PTPRE: variants seen among roughly 807,000 people sequenced by gnomAD.
PTPRE encodes receptor-type tyrosine-protein phosphatase epsilon.
PTPRE carries 51 observed loss-of-function variants against 102.0 expected under a neutral mutation model. The ratio of observed to expected loss-of-function variants is 0.50; its 90% CI spans 0.40 to 0.63. The LOEUF (loss-of-function observed/expected upper bound fraction) is 0.63, where lower values mean the gene tolerates loss of function less well. PTPRE is among the 30% of genes least tolerant of loss of function. The pLI is 0.00. For missense variants in PTPRE, 752 were observed against 915.1 expected, an observed-to-expected ratio of 0.82 and a Z score of 2.30; for synonymous variants, 345 against 348.2, an observed-to-expected ratio of 0.99 and a Z score of 0.10.
chr10:127,925,405 T>C (rs1402862253), intron 1 of PTPRE, among the ~76,000 whole-genome samples: 4 of 152,214 alleles, frequency 2.6e-5, no homozygotes, highest in Non-Finnish European at 5.9e-5. Flanking sequence ...TCCTCATTCT[T>C]TTCTGACCCC....
At chr10:127,908,010 A>AGG (rs1564787590) in intron 1 of PTPRE, among the ~76,000 whole-genome samples, 1 of 152,214 alleles carries the variant, frequency 6.6e-6, no homozygotes, top group Non-Finnish European at 1.5e-5. Context: ...CATCTGGGGA[A>AGG]GGCCGGGCAA....
intron 2 of PTPRE, among the ~76,000 whole-genome samples, chr10:127,988,007 A>G (rs1470584098): frequency 6.6e-6 from 1 of 152,246 alleles, no homozygotes; most frequent in Non-Finnish European, 1.5e-5. Context: ...TGTCGGCTGC[A>G]GATGAGTGCC....
intron 1 of PTPRE, among the ~76,000 whole-genome samples, chr10:127,963,983 A>G (rs1240352427): frequency 6.6e-6 from 1 of 152,130 alleles, no homozygotes; most frequent in Non-Finnish European, 1.5e-5. Context: ...ATACTTTCTT[A>G]AAGTGAGCCA....
At chr10:128,023,200 G>A (rs1177596655) in intron 2 of PTPRE, among the ~76,000 whole-genome samples, 1 of 151,898 alleles carries the variant, frequency 6.6e-6, no homozygotes, top group Non-Finnish European at 1.5e-5. Flanking sequence ...CTCTTACTGT[G>A]CCTGATTTAT....
Position 127,940,902 on chromosome 10 carries a change from G to T in PTPRE, c.-31+33593G>T, listed in dbSNP as rs114941398. ...AGACTATGACTTTCCTGCAGGCAGG[G>T]TTGTACCTTCTCATCTGCACCCTCA... On this transcript the variant is annotated intron_variant, in intron 1 of 20. Transcript: ENST00000254667. 8.6e-4 allele frequency among the ~76,000 whole-genome samples: 131 copies of T among 152,314 alleles called. 1 individual carries two copies. The highest frequency in any genetic ancestry group is 3.0e-3 in the African/African-American group (123 of 41,566).
rs115785422 is a variant in PTPRE at position 128,035,632 on chromosome 10, C to G, written c.-7-5243C>G. Among the ~76,000 whole-genome samples the G allele has an allele frequency of 1.0e-2, 1,521 of 152,288 alleles. 38 individuals carry two copies. Among genetic ancestry groups the G allele is most frequent in the African/African-American group, 0.035 (1,443 of 41,548 alleles). On this transcript the variant is annotated intron_variant, in intron 2 of 20. Coordinates refer to ENST00000254667, the MANE Select transcript of PTPRE (RefSeq NM_006504.6). ...AAGCCAAACAGCTGCAGGTTTTGAC[C>G]AGGTAGGTGATGGGTTCGGGCTGCA...
chr10:127,990,566 C>T (rs1407884021), intron 2 of PTPRE, among the ~76,000 whole-genome samples: 1 of 152,158 alleles, frequency 6.6e-6, no homozygotes, highest in African/African-American at 2.4e-5. Flanking sequence ...GAGTTCTATG[C>T]TCTAGGGTGG....
chr10:127,951,611 T>G (rs1489537150), intron 1 of PTPRE, among the ~76,000 whole-genome samples: 1 of 152,202 alleles, frequency 6.6e-6, no homozygotes, highest in Non-Finnish European at 1.5e-5. Flanking sequence ...TCCAGATGCA[T>G]AATTGGAGTA....
At chr10:127,959,735 C>T (rs768841279) in intron 1 of PTPRE, among the ~76,000 whole-genome samples, 2 of 152,172 alleles carry the variant, frequency 1.3e-5, no homozygotes, top group African/African-American at 2.4e-5. Context: ...GGGTCAGCTA[C>T]TTCCCAGCAG....
At chr10:128,068,327 G>T (rs757416511) in intron 12 of PTPRE, 41 bp downstream of exon 12, 9 of 1,578,204 alleles carry the variant, frequency 5.7e-6, no homozygotes, top group Non-Finnish European at 7.8e-6. Context: ...TCAAGGGCAG[G>T]CCACAGTGGG....
At chr10:128,049,106 CGTTCTGA>C (rs1430250011) in intron 5 of PTPRE, among the ~76,000 whole-genome samples, 2 of 152,078 alleles carry the variant, frequency 1.3e-5, no homozygotes, top group Non-Finnish European at 2.9e-5. Context: ...TGAGAGAGAA[CGTTCTGA>C]GTTTGCTCCC....
intron 1 of PTPRE, among the ~76,000 whole-genome samples, chr10:127,940,685 C>T (rs1050673610): frequency 2.0e-5 from 3 of 152,276 alleles, no homozygotes; most frequent in Non-Finnish European, 2.9e-5. Context: ...TATTGTCCAT[C>T]GTTTCTTGAG....
chr10:128,054,946 T>C (rs4548543), intron 6 of PTPRE, among the ~76,000 whole-genome samples: 126,871 of 152,108 alleles, frequency 0.83, 53,175 homozygotes, highest in African/African-American at 0.91. Flanking sequence ...GGTGCCGCTC[T>C]AGGCTCCTGC....
At chr10:128,050,210 G>A (rs1162162108) in intron 6 of PTPRE, among the ~76,000 whole-genome samples, 1 of 152,096 alleles carries the variant, frequency 6.6e-6, no homozygotes, top group Non-Finnish European at 1.5e-5. Context: ...GGATAAGTGG[G>A]AGGGCAGAGG....
intron 10 of PTPRE, among the ~76,000 whole-genome samples, chr10:128,063,567 A>G (rs112978015): frequency 0.021 from 3,264 of 152,344 alleles, 118 homozygotes; most frequent in African/African-American, 0.075. Context: ...TATCCAGACT[A>G]GAGAAATGCT....
intron 1 of PTPRE, among the ~76,000 whole-genome samples, chr10:127,913,645 G>A (rs1232323999): frequency 1.3e-5 from 2 of 152,152 alleles, no homozygotes; most frequent in African/African-American, 4.8e-5. Flanking sequence ...TGACTCCTCG[G>A]CTAACATGCA....
At chr10:127,988,818 C>T (rs904908303) in intron 2 of PTPRE, among the ~76,000 whole-genome samples, 2 of 152,076 alleles carry the variant, frequency 1.3e-5, no homozygotes, top group Admixed American at 6.5e-5. Flanking sequence ...CACATACTCT[C>T]GAATCTACAA....
At chr10:128,015,011 C>G (rs1012531258) in intron 2 of PTPRE, among the ~76,000 whole-genome samples, 1 of 152,192 alleles carries the variant, frequency 6.6e-6, no homozygotes, top group Non-Finnish European at 1.5e-5. Flanking sequence ...GATCTCCAGA[C>G]TTTCATGTGG....
At chr10:128,029,169 A>G (rs1236035940) in intron 2 of PTPRE, among the ~76,000 whole-genome samples, 3 of 152,054 alleles carry the variant, frequency 2.0e-5, no homozygotes, top group African/African-American at 7.2e-5. Flanking sequence ...CCCCAGGCGG[A>G]AGGCTCGTGG....
Sources: allele counts gnomAD v4.1 joint callset (sites outside exome capture counted in the v4.1 genomes callset), GRCh38; gene constraint gnomAD v4.1.1; transcripts MANE v1.5; gene names NCBI Gene and HGNC (gene_info 2026-07-23, HGNC 2026-07-21).